Variants in CASP4 observed in about 807,000 individuals in gnomAD.
CASP4 encodes the protein caspase-4.
In CASP4, 29 loss-of-function variants were observed where a neutral mutation model predicts 41.3. The ratio of observed to expected loss-of-function variants is 0.70; its 90% CI spans 0.52 to 0.96. The LOEUF is 0.96. Among genes scored for constraint, CASP4 ranks in the 40% least tolerant of loss-of-function variants. The pLI is 0.00. For missense variants in CASP4, 447 were observed against 460.6 expected, an observed-to-expected ratio of 0.97 and a Z score of 0.27; for synonymous variants, 185 against 158.4, an observed-to-expected ratio of 1.17 and a Z score of -1.26.
chr11:104,966,081 T>C (rs767982207), intron 1 of CASP4, among the ~76,000 whole-genome samples: 1 of 152,168 alleles, frequency 6.6e-6, no homozygotes, highest in Non-Finnish European at 1.5e-5. Flanking sequence ...GGGAGACTGA[T>C]TTAAGTAATA....
At chr11:104,951,399 ATGT>A (rs1860610014) in intron 3 of CASP4, 1 of 270,728 alleles carries the variant, frequency 3.7e-6, no homozygotes, top group South Asian at 7.5e-5. Flanking sequence ...ACAAAACGAG[ATGT>A]TGTCGTTGAC....
chr11:104,964,497 C>T (rs1202297207), intron 1 of CASP4, among the ~76,000 whole-genome samples: 2 of 152,200 alleles, frequency 1.3e-5, no homozygotes, highest in East Asian at 3.9e-4. Flanking sequence ...CAATTTATGG[C>T]AGCATGGTTA....
At chr11:104,948,764 T>G (rs889376321) in intron 5 of CASP4, 88 bp from the exon 6 acceptor site, 56 of 1,238,032 alleles carry the variant, frequency 4.5e-5, no homozygotes, top group Non-Finnish European at 6.0e-5. Flanking sequence ...TGAATGTTCA[T>G]TCTTACTAGT....
chr11:104,951,812 A>G, intron 3 of CASP4, 84 bp downstream of exon 3: 1 of 886,898 alleles, frequency 1.1e-6, no homozygotes, highest in Non-Finnish European at 1.9e-6. Flanking sequence ...ACCCCCAATC[A>G]TTTAGTGCTG....
intron 5 of CASP4, 84 bp from the exon 6 acceptor site, chr11:104,948,760 T>C (rs879177355): frequency 3.0e-6 from 4 of 1,311,774 alleles, no homozygotes; most frequent in South Asian, 3.3e-5. Context: ...TTTTTGAATG[T>C]TCATTCTTAC....
At chr11:104,958,377 A>G (rs1860782508) in intron 1 of CASP4, among the ~76,000 whole-genome samples, 1 of 152,236 alleles carries the variant, frequency 6.6e-6, no homozygotes, top group South Asian at 2.1e-4. Flanking sequence ...TTTGCAAACC[A>G]TACATCTGAT....
chr11:104,953,111 A>G (rs1429256836), intron 2 of CASP4, among the ~76,000 whole-genome samples: 8 of 152,196 alleles, frequency 5.3e-5, no homozygotes, highest in African/African-American at 1.7e-4. Flanking sequence ...TCTATCTTAC[A>G]TCCAATAATA....
chr11:104,948,742 C>G, intron 5 of CASP4, 66 bp from the exon 6 acceptor site: 1 of 1,445,408 alleles, frequency 6.9e-7, no homozygotes, highest in Non-Finnish European at 9.3e-7. Flanking sequence ...CAGTTGCCCA[C>G]CTTGTTCTTT....
chr11:104,949,432 C>T, intron 5 of CASP4, 111 bp downstream of exon 5: 1 of 1,153,878 alleles, frequency 8.7e-7, no homozygotes, highest in East Asian at 2.4e-5. Context: ...ATTCAATGTA[C>T]TTTATTTACA....
chr11:104,946,509 G>A (rs984690018), intron 7 of CASP4: 1 of 152,122 alleles, frequency 6.6e-6, no homozygotes, highest in Non-Finnish European at 1.5e-5. Context: ...AGGAAGTAGT[G>A]GGAATAAGGA....
intron 7 of CASP4, among the ~76,000 whole-genome samples, chr11:104,945,439 G>T (rs1450250503): frequency 6.6e-6 from 1 of 151,982 alleles, no homozygotes; most frequent in East Asian, 1.9e-4. Context: ...TGTATTTTTA[G>T]TAGAGACGTG....
intron 7 of CASP4, among the ~76,000 whole-genome samples, chr11:104,945,779 G>T (rs1277317450): frequency 6.6e-6 from 1 of 152,102 alleles, no homozygotes; most frequent in Non-Finnish European, 1.5e-5. Flanking sequence ...ATTCACAGGA[G>T]CTCTGTCTCA....
rs1860700295 is a variant in CASP4, at chr11:104,954,881, T to C, written c.128A>G (p.Lys43Arg). 3 of 1,613,754 alleles carry C rather than the reference T, an allele frequency of 1.9e-6. No individual in the cohort carries two copies. Among genetic ancestry groups the C allele is most frequent in the Non-Finnish European group, 1.7e-6 (2 of 1,179,766 alleles). The change falls in exon 2 of 9, where the codon AAG becomes AGG. Residue 43 changes from lysine to arginine, a missense_variant. Transcript: ENST00000444739. ...TTCAGTTTTAGCATCGTAATATTTCTTTTTTTCCTCTTCCTTCCAGTTCAG... is the reference window on the plus strand; with the variant it reads ...TTCAGTTTTAGCATCGTAATATTTCCTTTTTTCCTCTTCCTTCCAGTTCAG... ...NVLNWKEEEK[K>R]KYYDAKTEDK... is the part of the protein sequence containing the mutation.
intron 1 of CASP4, among the ~76,000 whole-genome samples, chr11:104,961,750 C>T (rs1378827738): frequency 2.0e-5 from 3 of 152,152 alleles, no homozygotes; most frequent in Non-Finnish European, 4.4e-5. Context: ...TCTGTCTCAT[C>T]TTCGTGTGTG....
At chr11:104,957,833 G>A (rs903824239) in intron 1 of CASP4, among the ~76,000 whole-genome samples, 2 of 151,770 alleles carry the variant, frequency 1.3e-5, no homozygotes, top group African/African-American at 4.8e-5. Context: ...AATAGGCAAA[G>A]CAATTTTGAG....
chr11:104,961,376 A>G (rs986601341), intron 1 of CASP4, among the ~76,000 whole-genome samples: 13 of 152,074 alleles, frequency 8.5e-5, no homozygotes, highest in African/African-American at 3.1e-4. Flanking sequence ...CTGTGGCCCC[A>G]TAGTGGGGTG....
rs778041398 is a variant in CASP4, at chr11:104,954,873, A to T, written c.136T>A (p.Tyr46Asn). ...ACTTTGTCTTCAGTTTTAGCATCGT[A>T]ATATTTCTTTTTTTCCTCTTCCTTC... The part of the protein sequence containing the change: ...NWKEEEKKKY[Y>N]DAKTEDKVRV... Residue 46 changes from tyrosine (Y) to asparagine (N), a missense_variant, in exon 2 of 9, where the codon TAC (tyrosine) becomes AAC (asparagine). Transcript: ENST00000444739. The T allele has an allele frequency of 5.0e-6, 8 of 1,613,732 alleles. No individual in the cohort carries two copies. In the South Asian group the frequency reaches 7.7e-5, roughly 16 times the overall value.
At chr11:104,961,715 A>T (rs1482451361) in intron 1 of CASP4, among the ~76,000 whole-genome samples, 1 of 152,090 alleles carries the variant, frequency 6.6e-6, no homozygotes, top group Admixed American at 6.5e-5. Flanking sequence ...CTGTTTAGGG[A>T]TCATCTGATT....
At chr11:104,944,993 C>T in intron 7 of CASP4, 142 bp from the exon 8 acceptor site, 2 of 636,008 alleles carry the variant, frequency 3.1e-6, no homozygotes, top group South Asian at 3.8e-5. Context: ...TCTAACTCCT[C>T]AACATTGTAC....
Sources: gnomAD v4.1 joint callset for allele counts (sites outside exome capture counted in the v4.1 genomes callset) on GRCh38, gnomAD v4.1.1 for gene constraint, MANE v1.5 for transcripts, NCBI Gene and HGNC (gene_info 2026-07-23, HGNC 2026-07-21) for gene names.